COL24A1: variants seen among roughly 807,000 people sequenced by gnomAD.
COL24A1 encodes the protein collagen type XXIV alpha 1 chain.
Under a neutral mutation model 253.9 loss-of-function variants are expected in COL24A1, and 224 were observed. The ratio of observed to expected loss-of-function variants is 0.88; its 90% CI spans 0.79 to 0.99. COL24A1 has a LOEUF of 0.99. Among genes scored for constraint, COL24A1 ranks in the 50% least tolerant of loss-of-function variants. The pLI is 0.00. For missense variants in COL24A1, 2,131 were observed against 2,068.5 expected (o/e 1.03, Z -0.59); for synonymous variants, 685 against 673.7 (o/e 1.02, Z -0.26).
intron 2 of COL24A1, among the ~76,000 whole-genome samples, chr1:86,142,479 C>T (rs556800461): frequency 4.9e-4 from 73 of 150,358 alleles, no homozygotes; most frequent in African/African-American, 1.7e-3. Flanking sequence ...GCCGAGATTG[C>T]GCCACTGCAC....
Position 85,895,760 on chromosome 1 carries a change from TA to T in COL24A1, c.2922+97del, listed in dbSNP as rs1371619230. 3 of 921,820 alleles carry T rather than the reference TA, an allele frequency of 3.3e-6. No individual in the cohort carries two copies. The East Asian group carries it at 7.9e-5, about 24-fold the overall frequency. The allele number at this position is 921,820 out of a possible 1,614,324, so 57.1% of individuals were successfully genotyped here. A position where few individuals can be genotyped will look rare whatever the true frequency, so the allele number is the denominator to read the frequency against. On this transcript the variant is annotated intron_variant, in intron 31 of 59. Transcript: ENST00000370571. ...GTATACTGCAAATATATATAATTTTTATGTGTCAAAAAATCCCCCAAACATT... is the reference window on the plus strand; with the variant it reads ...GTATACTGCAAATATATATAATTTTTTGTGTCAAAAAATCCCCCAAACATT...
intron 7 of COL24A1, among the ~76,000 whole-genome samples, chr1:86,086,136 A>G (rs917659746): frequency 1.2e-4 from 18 of 152,344 alleles, no homozygotes; most frequent in African/African-American, 4.1e-4. Flanking sequence ...TTCCAGAGAA[A>G]AAGAAAAATG....
chr1:86,112,691 C>T, intron 4 of COL24A1, 71 bp from the exon 5 acceptor site: 1 of 1,391,706 alleles, frequency 7.2e-7, no homozygotes, highest in South Asian at 1.2e-5. Context: ...TGCTTACTTT[C>T]CTCTCAACAT....
intron 19 of COL24A1, among the ~76,000 whole-genome samples, chr1:86,001,795 A>G (rs964846212): frequency 1.3e-5 from 2 of 152,134 alleles, no homozygotes; most frequent in African/African-American, 4.8e-5. Context: ...GAGCCTCAGG[A>G]AAAAAAGTTC....
chr1:86,114,254 A>C (rs1023299994), intron 4 of COL24A1, among the ~76,000 whole-genome samples: 49 of 152,230 alleles, frequency 3.2e-4, no homozygotes, highest in African/African-American at 1.1e-3. Flanking sequence ...AGAGAATGAG[A>C]ATTGGACAAA....
chr1:85,992,613 C>T (rs577468664), intron 19 of COL24A1, among the ~76,000 whole-genome samples: 31 of 152,048 alleles, frequency 2.0e-4, no homozygotes, highest in Non-Finnish European at 2.9e-4. Context: ...ATAAAAAGTA[C>T]GTCATTAGAG....
intron 37 of COL24A1, among the ~76,000 whole-genome samples, chr1:85,850,822 T>C (rs965538924): frequency 2.6e-5 from 4 of 152,096 alleles, no homozygotes; most frequent in African/African-American, 9.7e-5. Context: ...AGGACTAGAC[T>C]TATGATGAAG....
At chr1:86,033,363 C>T (rs546699769) in intron 13 of COL24A1, among the ~76,000 whole-genome samples, 3 of 151,994 alleles carry the variant, frequency 2.0e-5, no homozygotes, top group South Asian at 2.1e-4. Context: ...TTCTACCTAG[C>T]GCCAAAAAAT....
intron 37 of COL24A1, among the ~76,000 whole-genome samples, chr1:85,854,347 T>A (rs1268775506): frequency 6.6e-6 from 1 of 152,218 alleles, no homozygotes; most frequent in African/African-American, 2.4e-5. Flanking sequence ...ACCAGTACAA[T>A]ATTGTTTTAG....
intron 12 of COL24A1, among the ~76,000 whole-genome samples, chr1:86,043,927 T>C (rs536078201): frequency 6.6e-6 from 1 of 152,332 alleles, no homozygotes; most frequent in South Asian, 2.1e-4. Context: ...GATTTCAGCA[T>C]TTCCAGGTTT....
intron 43 of COL24A1, among the ~76,000 whole-genome samples, chr1:85,824,177 C>T (rs1406791926): frequency 2.0e-5 from 3 of 152,072 alleles, no homozygotes; most frequent in African/African-American, 4.8e-5. Context: ...ACACAGACAA[C>T]AGAGGAGAAG....
At chr1:85,883,095 T>A (rs1476759282) in intron 32 of COL24A1, among the ~76,000 whole-genome samples, 1 of 152,266 alleles carries the variant, frequency 6.6e-6, no homozygotes, top group Non-Finnish European at 1.5e-5. Context: ...TGAGTTAGTA[T>A]ATATCAACTG....
chr1:86,130,511 A>T (rs1264470479), intron 2 of COL24A1, among the ~76,000 whole-genome samples: 2 of 151,890 alleles, frequency 1.3e-5, no homozygotes, highest in Non-Finnish European at 2.9e-5. Context: ...TTCCTTTAAA[A>T]TTTTAAATGT....
intron 5 of COL24A1, among the ~76,000 whole-genome samples, chr1:86,108,816 A>T (rs574157387): frequency 6.6e-6 from 1 of 151,670 alleles, no homozygotes; most frequent in South Asian, 2.1e-4. Context: ...TCAAAAAAAA[A>T]AAAGGATTCT....
chr1:85,825,160 G>A (rs1674127389), intron 43 of COL24A1, among the ~76,000 whole-genome samples: 1 of 146,678 alleles, frequency 6.8e-6, no homozygotes, highest in South Asian at 2.1e-4. Context: ...ACCTATGAGT[G>A]AGAATATGCG....
chr1:85,860,601 CGTG>C (rs970911878), intron 37 of COL24A1, among the ~76,000 whole-genome samples: 1 of 152,028 alleles, frequency 6.6e-6, no homozygotes, highest in African/African-American at 2.4e-5. Flanking sequence ...ATTAGCCAGG[CGTG>C]GTGGTGGGTG....
At chr1:85,748,629 A>C in intron 55 of COL24A1, among the ~76,000 whole-genome samples, 1 of 148,424 alleles carries the variant, frequency 6.7e-6, no homozygotes, top group Non-Finnish European at 1.5e-5. Flanking sequence ...TACCGGGTTC[A>C]TCTCACTAGG....
Position 86,007,946 on chromosome 1 carries a change from C to T in COL24A1, c.2310+9205G>A, listed in dbSNP as rs74776539. Among the ~76,000 whole-genome samples the T allele has an allele frequency of 5.3e-3, 806 of 152,198 alleles. 8 individuals are homozygous for T. The highest frequency in any genetic ancestry group is 0.019 in the African/African-American group (772 of 41,524). ...ACAACTTCAAGAGTGAACACTAACA[C>T]TAATGTAAACTATGGACCTTGGGTG... On this transcript the variant is annotated intron_variant, in intron 19 of 59. Transcript: ENST00000370571.
intron 3 of COL24A1, among the ~76,000 whole-genome samples, chr1:86,117,212 A>C (rs1571977618): frequency 6.6e-6 from 1 of 152,236 alleles, no homozygotes; most frequent in South Asian, 2.1e-4. Flanking sequence ...GTGTCCTCCC[A>C]AAATTCGTAT....
Sources: allele counts gnomAD v4.1 joint callset (sites outside exome capture counted in the v4.1 genomes callset), GRCh38; gene constraint gnomAD v4.1.1; transcripts MANE v1.5; gene names NCBI Gene and HGNC (gene_info 2026-07-23, HGNC 2026-07-21).